Variants in MCPH1 observed in about 807,000 individuals in gnomAD.
The protein encoded by MCPH1 is microcephalin.
In MCPH1, 104 loss-of-function variants were observed where a neutral mutation model predicts 84.5. The ratio of observed to expected loss-of-function variants is 1.23; its 90% CI spans 1.05 to 1.45. The LOEUF is 1.45. Ranked by LOEUF, MCPH1 falls within the 40% of genes most tolerant of loss-of-function variation. The pLI is 0.00. For missense variants in MCPH1, 1,498 were observed against 1,005.7 expected (o/e 1.49, Z -6.62); for synonymous variants, 514 against 366.8 (o/e 1.40, Z -4.58).
At position 6,408,556 on chromosome 8, in the gene MCPH1, G is replaced by C. The variant is rs186112145; in HGVS notation, c.23-723G>C. On this transcript the variant is annotated intron_variant, in intron 1 of 13. Transcript: ENST00000344683. Reference sequence around the variant, plus strand: ...AACTTCATTTACTTTTCTTATTTTTGAGGCAAGGTCTTTCTCTGCTGCCCA... The same window carrying C: ...AACTTCATTTACTTTTCTTATTTTTCAGGCAAGGTCTTTCTCTGCTGCCCA... Among the ~76,000 whole-genome samples, 84 of 151,836 alleles carry C rather than the reference G, an allele frequency of 5.5e-4. No individual in the cohort carries two copies. In the South Asian group the frequency reaches 7.1e-3, roughly 13 times the overall value.
intron 13 of MCPH1, among the ~76,000 whole-genome samples, chr8:6,629,132 G>A (rs977715987): frequency 6.6e-6 from 1 of 152,190 alleles, no homozygotes; most frequent in Admixed American, 6.5e-5. Context: ...AGGTCATAAG[G>A]GCAAGGCCCT....
At chr8:6,504,317 C>A (rs1467850800) in intron 12 of MCPH1, among the ~76,000 whole-genome samples, 419 of 85,674 alleles carry the variant, frequency 4.9e-3, no homozygotes, top group Non-Finnish European at 6.1e-3. Flanking sequence ...GACTCCAGCT[C>A]AAAAAAAAAA....
chr8:6,648,259 C>G lies in MCPH1; in HGVS notation c.*5210C>G, dbSNP rs1798309053. On this transcript the variant is annotated 3_prime_UTR_variant, in exon 14 of 14. Transcript: ENST00000344683. ...TGTGGTCTAAGCTGTCAGACCTCCA[C>G]AGTGGCCAGAAGGTTTTCCATACCT... The G allele has an allele frequency of 6.6e-6, 1 of 152,292 alleles. No homozygotes were observed. Among genetic ancestry groups the G allele is most frequent in the African/African-American group, 2.4e-5 (1 of 41,458 alleles). The allele number at this position is 152,292 out of a possible 1,614,324, so 9.4% of individuals were successfully genotyped here. A position where few individuals can be genotyped will look rare whatever the true frequency, so the allele number is the denominator to read the frequency against.
intron 8 of MCPH1, among the ~76,000 whole-genome samples, chr8:6,453,499 G>A (rs1019616585): frequency 2.6e-5 from 4 of 151,400 alleles, no homozygotes; most frequent in Admixed American, 6.6e-5. Context: ...TTCGTTGTTC[G>A]GCAAGAACTG....
At chr8:6,540,870 C>T (rs770179829) in intron 12 of MCPH1, among the ~76,000 whole-genome samples, 14 of 152,248 alleles carry the variant, frequency 9.2e-5, no homozygotes, top group South Asian at 2.1e-4. Context: ...CGGCCACCGC[C>T]GCGCTGGCTG....
chr8:6,505,659 T>A (rs1813461278), intron 12 of MCPH1, among the ~76,000 whole-genome samples: 1 of 130,810 alleles, frequency 7.6e-6, no homozygotes, highest in Non-Finnish European at 1.6e-5. Context: ...TCTATTTATA[T>A]ATAGAATATA....
chr8:6,640,508 C>T (rs1797873038), intron 13 of MCPH1, among the ~76,000 whole-genome samples: 1 of 152,134 alleles, frequency 6.6e-6, no homozygotes, highest in African/African-American at 2.4e-5. Context: ...CGTGAATTAC[C>T]TGTCCTGATC....
At chr8:6,423,290 G>C (rs1177097012) in intron 3 of MCPH1, among the ~76,000 whole-genome samples, 1 of 140,086 alleles carries the variant, frequency 7.1e-6, no homozygotes, top group African/African-American at 2.7e-5. Flanking sequence ...TCAGCCTCCT[G>C]AGTAGCTGGG....
intron 3 of MCPH1, among the ~76,000 whole-genome samples, chr8:6,423,765 A>G (rs867501013): frequency 2.0e-5 from 3 of 152,334 alleles, no homozygotes; most frequent in Middle Eastern, 6.8e-3. Flanking sequence ...AGATGCTGCC[A>G]AATTATCTTC....
chr8:6,438,774 G>A (rs1023775943), intron 5 of MCPH1, among the ~76,000 whole-genome samples, 179 bp from the exon 6 acceptor site: 17 of 152,206 alleles, frequency 1.1e-4, no homozygotes, highest in Admixed American at 9.2e-4. Flanking sequence ...GCCAGCAGCT[G>A]TAGCAGCAAC....
intron 3 of MCPH1, among the ~76,000 whole-genome samples, chr8:6,416,938 G>C (rs762605887): frequency 1.3e-5 from 2 of 151,682 alleles, no homozygotes; most frequent in Admixed American, 6.6e-5. Flanking sequence ...AGGTTGCAGT[G>C]AACCAAGACC....
chr8:6,435,760 A>G (rs940263090), intron 4 of MCPH1, among the ~76,000 whole-genome samples: 1 of 152,320 alleles, frequency 6.6e-6, no homozygotes, highest in Admixed American at 6.5e-5. Flanking sequence ...AAAAATCGAA[A>G]GAGACTGGCT....
At chr8:6,453,859 G>A (rs1380308098) in intron 8 of MCPH1, among the ~76,000 whole-genome samples, 2 of 152,114 alleles carry the variant, frequency 1.3e-5, no homozygotes, top group East Asian at 1.9e-4. Context: ...TTTGAGTCTC[G>A]AGTGGATTCA....
intron 12 of MCPH1, among the ~76,000 whole-genome samples, chr8:6,568,987 G>T (rs1378983685): frequency 6.6e-6 from 1 of 152,186 alleles, no homozygotes; most frequent in Non-Finnish European, 1.5e-5. Context: ...AGACAGAGGG[G>T]CACACTCGGG....
chr8:6,433,040 G>T (rs1488421118), intron 4 of MCPH1, among the ~76,000 whole-genome samples: 13 of 152,138 alleles, frequency 8.5e-5, no homozygotes, highest in Non-Finnish European at 2.9e-5. Context: ...ACGTGAAGGG[G>T]CTCTGCTATC....
chr8:6,593,495 T>C (rs10104468), intron 12 of MCPH1, among the ~76,000 whole-genome samples: 20,123 of 152,090 alleles, frequency 0.13, 1,420 homozygotes, highest in South Asian at 0.21. Context: ...GCTGGAAATA[T>C]AGGCACACGC....
At chr8:6,473,974 A>G in intron 9 of MCPH1, 1 of 1,143,316 alleles carries the variant, frequency 8.7e-7, no homozygotes, top group Admixed American at 1.9e-5. Flanking sequence ...TGGCTTCTTC[A>G]TAAAGAACTT....
chr8:6,562,234 C>A (rs901719160), intron 12 of MCPH1, among the ~76,000 whole-genome samples: 1 of 152,174 alleles, frequency 6.6e-6, no homozygotes, highest in Non-Finnish European at 1.5e-5. Flanking sequence ...CTCTGGCTCA[C>A]GGGCTGCTGC....
At chr8:6,462,932 CTCTT>C (rs1177578016) in intron 9 of MCPH1, among the ~76,000 whole-genome samples, 1 of 152,156 alleles carries the variant, frequency 6.6e-6, no homozygotes, top group Non-Finnish European at 1.5e-5. Flanking sequence ...GAGTAGGTCT[CTCTT>C]ACCTGCCTCC....
Sources: allele counts gnomAD v4.1 joint callset (sites outside exome capture counted in the v4.1 genomes callset), GRCh38; gene constraint gnomAD v4.1.1; transcripts MANE v1.5; gene names NCBI Gene and HGNC (gene_info 2026-07-23, HGNC 2026-07-21).